The following TP53BP2 variants were observed in gnomAD, a reference collection of about 807,000 sequenced individuals.
TP53BP2 encodes the protein apoptosis-stimulating of p53 protein 2.
In TP53BP2, 62 loss-of-function variants were observed where a neutral mutation model predicts 126.2. The observed-to-expected ratio is 0.49, with a 90% CI of 0.40 to 0.61. The LOEUF is 0.61. Among genes scored for constraint, TP53BP2 ranks in the 20% least tolerant of loss-of-function variants. The pLI, the probability that TP53BP2 is intolerant of heterozygous loss-of-function variation, is 0.00. For synonymous variants in TP53BP2, 485 were observed against 502.9 expected (o/e 0.96, Z 0.48); for missense variants, 1,215 against 1,402.8 (o/e 0.87, Z 2.14).
At chr1:223,790,508 G>A (rs1163365390) in intron 15 of TP53BP2, among the ~76,000 whole-genome samples, 1 of 151,848 alleles carries the variant, frequency 6.6e-6, no homozygotes, top group Non-Finnish European at 1.5e-5. Context: ...AGTGAGCCAA[G>A]ATTGTGCCAC....
At chr1:223,845,593 G>GC (rs1664242926) in intron 1 of TP53BP2, 61 bp downstream of exon 1, 8 of 1,500,968 alleles carry the variant, frequency 5.3e-6, no homozygotes, top group Non-Finnish European at 7.1e-6. Flanking sequence ...GCGCGGACCA[G>GC]CCCCCGGCAC....
At chr1:223,840,956 T>C (rs1292039658) in intron 1 of TP53BP2, among the ~76,000 whole-genome samples, 1 of 152,114 alleles carries the variant, frequency 6.6e-6, no homozygotes, top group African/African-American at 2.4e-5. Context: ...CTAACGCACA[T>C]GAAATGTGAG....
chr1:223,793,560 T>TGGCACATTTTA, intron 13 of TP53BP2, 120 bp from the exon 14 acceptor site: 1 of 1,059,524 alleles, frequency 9.4e-7, no homozygotes. Flanking sequence ...AATATAGATT[T>TGGCACATTTTA]GGCACATTTT....
chr1:223,832,664 G>A (rs977238644), intron 1 of TP53BP2, among the ~76,000 whole-genome samples: 1 of 152,196 alleles, frequency 6.6e-6, no homozygotes, highest in Non-Finnish European at 1.5e-5. Context: ...AACACTGGGC[G>A]GGGTTTAGGA....
Position 223,821,381 on chromosome 1 carries a change from G to C in TP53BP2, c.28-14C>G, listed in dbSNP as rs759363850. 6 of 1,613,908 alleles carry C rather than the reference G, an allele frequency of 3.7e-6. No individual in the cohort carries two copies. The highest frequency in any genetic ancestry group is 1.3e-5 in the African/African-American group (1 of 75,044). ...GGTAAGAAACATCTAAAAATTAAGA[G>C]AGAAACACATGGTTACTGGTACTGT... On this transcript the variant is annotated splice_polypyrimidine_tract_variant and intron_variant, in intron 1 of 17. Coordinates refer to ENST00000343537, the MANE Select transcript of TP53BP2 (RefSeq NM_001031685.3).
chr1:223,808,502 C>T lies in TP53BP2; in HGVS notation c.373-1555G>A, dbSNP rs538837688. Among the ~76,000 whole-genome samples the T allele has an allele frequency of 2.7e-5, 4 of 150,002 alleles. No individual in the cohort carries two copies. The East Asian group carries it at 7.8e-4, about 29-fold the overall frequency. On this transcript the variant is annotated intron_variant, in intron 4 of 17. Transcript: ENST00000343537. Reference sequence around the variant, plus strand: ...GTTGCAGTGAGCCGAGATCGCGCCACTGCACTCCAGCCTAGGCGACAGAGT... The same window carrying T: ...GTTGCAGTGAGCCGAGATCGCGCCATTGCACTCCAGCCTAGGCGACAGAGT...
rs1663616175 is a variant in TP53BP2, at chr1:223,829,348, C to A, written c.28-7981G>T. ...TTTTTATATGTTTAGTACTCTATTA[C>A]ATGAATGAGAATGTGGGTAAAATGG... is the stretch of plus-strand genomic sequence containing the variant. On this transcript the variant is annotated intron_variant, in intron 1 of 17. Transcript: ENST00000343537. Among the ~76,000 whole-genome samples the A allele has an allele frequency of 2.6e-5, 4 of 152,030 alleles. No individual in the cohort carries two copies. The South Asian group carries it at 8.3e-4, about 32-fold the overall frequency.
intron 1 of TP53BP2, among the ~76,000 whole-genome samples, chr1:223,832,752 ACT>A (rs1364392787): frequency 6.6e-6 from 1 of 152,028 alleles, no homozygotes; most frequent in Non-Finnish European, 1.5e-5. Flanking sequence ...TCCAATGCTC[ACT>A]CTGCCAGCTG....
At chr1:223,831,472 AAAAAAAAAATATAT>A (rs1355591161) in intron 1 of TP53BP2, among the ~76,000 whole-genome samples, 7 of 42,458 alleles carry the variant, frequency 1.6e-4, no homozygotes, top group African/African-American at 7.8e-4. Context: ...CATCTAAAAA[AAAAAAAAAATATAT>A]ATATATATAT....
Position 223,803,456 on chromosome 1 carries a change from G to A in TP53BP2, c.650-4C>T. On this transcript the variant is annotated splice_polypyrimidine_tract_variant and splice_region_variant and intron_variant, in intron 6 of 17. Transcript: ENST00000343537. ...TTCATCTGTTCAATTTCCTCCACTA[G>A]ATGAGACAGAGAACAGCAACAACAG... 6.2e-7 allele frequency: 1 copy of A among 1,604,294 alleles called. No homozygotes were observed. Among genetic ancestry groups the A allele is most frequent in the Non-Finnish European group, 8.5e-7 (1 of 1,174,436 alleles).
chr1:223,813,820 C>A (rs544294523), intron 3 of TP53BP2, among the ~76,000 whole-genome samples: 2 of 152,260 alleles, frequency 1.3e-5, no homozygotes, highest in Admixed American at 6.5e-5. Flanking sequence ...ATCATCACTC[C>A]TACCTCAGAG....
intron 1 of TP53BP2, among the ~76,000 whole-genome samples, chr1:223,838,129 A>T (rs1178312777): frequency 1.3e-5 from 2 of 151,864 alleles, no homozygotes; most frequent in Non-Finnish European, 1.5e-5. Flanking sequence ...ACCCTTCTTA[A>T]ATCCCATTTA....
At chr1:223,808,540 C>CA (rs34273651) in intron 4 of TP53BP2, among the ~76,000 whole-genome samples, 132 of 110,842 alleles carry the variant, frequency 1.2e-3, no homozygotes, top group Middle Eastern at 0.011. Context: ...GACTCTGTAT[C>CA]AAAAAAAAAA....
chr1:223,807,911 T>G (rs772685552), intron 4 of TP53BP2, among the ~76,000 whole-genome samples: 7 of 152,178 alleles, frequency 4.6e-5, no homozygotes, highest in Non-Finnish European at 8.8e-5. Context: ...ACAGGCATTT[T>G]TGTAAAAATT....
chr1:223,798,336 G>T lies in TP53BP2; in HGVS notation c.1827C>A (p.Thr609=). The T allele has an allele frequency of 6.2e-7, 1 of 1,614,140 alleles. No homozygotes were observed. The highest frequency in any genetic ancestry group is 8.5e-7 in the Non-Finnish European group (1 of 1,180,026). The change falls in exon 12 of 18, where the codon ACC becomes ACA. Residue 609 remains threonine (T), a synonymous_variant. Transcript: ENST00000343537. Reference sequence around the variant, plus strand: ...TGGAATATATTGAACTTGCTGCCACGGTCTGGGGTTTTCTGAAGGGTGGAA... The same window carrying T: ...TGGAATATATTGAACTTGCTGCCACTGTCTGGGGTTTTCTGAAGGGTGGAA... ...TLLPPFRKPQ[T]VAASSIYSMY... is the part of the protein sequence containing the mutation.
chr1:223,829,070 TAATCCC>T (rs1397074868), intron 1 of TP53BP2, among the ~76,000 whole-genome samples: 2 of 151,976 alleles, frequency 1.3e-5, no homozygotes, highest in African/African-American at 4.8e-5. Context: ...CTCACACCTA[TAATCCC>T]AGCACTTTGG....
chr1:223,793,370 G>A lies in TP53BP2; in HGVS notation c.2795C>T (p.Pro932Leu). The change falls in exon 14 of 18, where the codon CCC becomes CTC. Residue 932 changes from proline to leucine, a missense_variant. Around this residue, in one of 4 missense-constraint regions of TP53BP2, gnomAD observed 204 missense variants for 225.7 expected, o/e 0.90. Coordinates refer to ENST00000343537, the MANE Select transcript of TP53BP2 (RefSeq NM_001031685.3). The stretch of plus-strand genomic sequence containing the variant: ...AGACGAATCTAGCAGTAAAGCAAGG[G>A]GGTTGAATTTCACCCTCATTCCATG... Reference protein sequence around the residue: ...IAHGMRVKFNPLALLLDSSLE... With the variant: ...IAHGMRVKFNLLALLLDSSLE... The A allele has an allele frequency of 6.2e-7, 1 of 1,611,782 alleles. No homozygotes were observed. Among genetic ancestry groups the A allele is most frequent in the East Asian group, 2.2e-5 (1 of 44,782 alleles).
chr1:223,817,921 G>A (rs1663145779), intron 2 of TP53BP2, among the ~76,000 whole-genome samples: 1 of 136,202 alleles, frequency 7.3e-6, no homozygotes, highest in Admixed American at 7.6e-5. Flanking sequence ...GTGAGACTCA[G>A]TCTCAAAAAA....
chr1:223,797,798 A>T (rs111355793), intron 12 of TP53BP2, among the ~76,000 whole-genome samples: 1 of 151,898 alleles, frequency 6.6e-6, no homozygotes, highest in East Asian at 1.9e-4. Context: ...GTGTGTATAT[A>T]TATCTATATA....
Sources: gnomAD v4.1 joint callset for allele counts (sites outside exome capture counted in the v4.1 genomes callset) on GRCh38, gnomAD v4.1.1 for gene constraint, gnomAD v4.1.1 regional missense constraint, MANE v1.5 for transcripts, NCBI Gene and HGNC (gene_info 2026-07-23, HGNC 2026-07-21) for gene names.